The following SSPN variants were observed in gnomAD, a reference collection of about 807,000 sequenced individuals.
SSPN encodes K-ras oncogene-associated protein.
A neutral mutation model predicts 19.1 loss-of-function variants in SSPN; 15 were observed. The observed-to-expected ratio is 0.78, with a 90% CI of 0.52 to 1.21. SSPN has a LOEUF of 1.21. SSPN is among the 50% of genes most tolerant of loss of function. The pLI is 0.00. For missense variants in SSPN, 291 were observed against 314.0 expected (o/e 0.93, Z 0.55); for synonymous variants, 147 against 140.3 (o/e 1.05, Z -0.34).
At chr12:26,184,811 A>G (rs1477141075) in intron 1 of SSPN, among the ~76,000 whole-genome samples, 1 of 152,146 alleles carries the variant, frequency 6.6e-6, no homozygotes, top group Non-Finnish European at 1.5e-5. Context: ...TTCAAAACTA[A>G]GGGGTTTTTT....
At chr12:26,201,578 A>G (rs1179442789) in intron 1 of SSPN, among the ~76,000 whole-genome samples, 1 of 151,638 alleles carries the variant, frequency 6.6e-6, no homozygotes, top group Non-Finnish European at 1.5e-5. Flanking sequence ...TTATATAATG[A>G]GGAAATTGTC....
At chr12:26,137,825 C>T (rs1485338190) in intron 1 of SSPN, among the ~76,000 whole-genome samples, 2 of 150,836 alleles carry the variant, frequency 1.3e-5, no homozygotes, top group Admixed American at 6.6e-5. Flanking sequence ...ACCACCACGC[C>T]CGGCTAATTT....
intron 1 of SSPN, among the ~76,000 whole-genome samples, chr12:26,140,086 G>C (rs919950419): frequency 5.3e-5 from 8 of 152,072 alleles, no homozygotes; most frequent in Admixed American, 2.6e-4. Context: ...TCTACTGCAA[G>C]CTCCAGTCTC....
upstream of SSPN, chr12:26,195,470 A>C (rs1485499703): frequency 3.2e-5 from 30 of 928,460 alleles, 1 homozygote; most frequent in African/African-American, 4.1e-4. Context: ...GCGCGTTGGC[A>C]GTTGGCGACC....
At chr12:26,204,763 C>T (rs1944916636) in intron 1 of SSPN, among the ~76,000 whole-genome samples, 1 of 152,216 alleles carries the variant, frequency 6.6e-6, no homozygotes, top group South Asian at 2.1e-4. Context: ...CTGAGCTGGG[C>T]TCTGCTTTTC....
At chr12:26,224,832 G>A (rs1017942838) in intron 2 of SSPN, among the ~76,000 whole-genome samples, 1 of 152,092 alleles carries the variant, frequency 6.6e-6, no homozygotes, top group Non-Finnish European at 1.5e-5. Context: ...AAGACTCTCA[G>A]GGCAAAGTGG....
chr12:26,122,504 G>C, intron 1 of SSPN: 1 of 1,313,226 alleles, frequency 7.6e-7, no homozygotes, highest in East Asian at 3.5e-5. Flanking sequence ...CGGGCTGCGG[G>C]AAGGGCGCGC....
rs1160803242 is a variant in SSPN, at chr12:26,166,868, T to A, written c.-31+44716T>A. On this transcript the variant is annotated intron_variant, in intron 1 of 2. Transcript: ENST00000538142. ...GAATCTATCCAAAGCAAGTGGCTCATGAACTGTGGAATAAGCAATATGGCG... is the reference window on the plus strand; with the variant it reads ...GAATCTATCCAAAGCAAGTGGCTCAAGAACTGTGGAATAAGCAATATGGCG... 2.0e-5 allele frequency among the ~76,000 whole-genome samples: 3 copies of A among 152,226 alleles called. No homozygotes were observed. In the East Asian group the frequency reaches 5.8e-4, roughly 29 times the overall value.
chr12:26,192,420 G>A (rs1307518063), upstream of SSPN, among the ~76,000 whole-genome samples: 3 of 152,136 alleles, frequency 2.0e-5, no homozygotes, highest in South Asian at 4.1e-4. Flanking sequence ...TGAGCTAGAC[G>A]TGATGATTTT....
chr12:26,225,745 T>TAAAAAAAAAAAAAAAAAAAAAAAAA, intron 2 of SSPN, among the ~76,000 whole-genome samples: 1 of 121,892 alleles, frequency 8.2e-6, no homozygotes, highest in African/African-American at 3.2e-5. Context: ...GCTTGGTGAT[T>TAAAAAAAAAAAAAAAAAAAAAAAAA]AAAAAAAAAA....
intron 1 of SSPN, among the ~76,000 whole-genome samples, chr12:26,127,898 C>A (rs557811195): frequency 4.4e-4 from 67 of 152,328 alleles, no homozygotes; most frequent in Non-Finnish European, 9.0e-4. Context: ...AAGGGTGTAA[C>A]AATAGCTAAC....
intron 1 of SSPN, chr12:26,124,132 G>A (rs747381978): frequency 6.2e-7 from 1 of 1,612,944 alleles, no homozygotes; most frequent in South Asian, 1.1e-5. Flanking sequence ...CATTAATTCG[G>A]TCTCTTCTTT....
rs1945224125 is a variant in SSPN, at chr12:26,230,908, T to C, written c.564T>C (p.Thr188=). The part of the protein sequence containing the change: ...YRDVTDCTSV[T]GTFKLFLLIQ... ...ATGTGACGGACTGTACCAGCGTCAC[T>C]GGCACTTTCAAACTGTTCTTACTCA... Residue 188 remains threonine (T), a synonymous_variant, in exon 3 of 3, where the codon ACT becomes ACC. Coordinates refer to ENST00000242729, the MANE Select transcript of SSPN (RefSeq NM_005086.5). The C allele has an allele frequency of 6.2e-7, 1 of 1,614,210 alleles. No individual in the cohort carries two copies. Among genetic ancestry groups the C allele is most frequent in the Non-Finnish European group, 8.5e-7 (1 of 1,180,036 alleles).
chr12:26,195,583 T>C lies in SSPN; in HGVS notation c.-90T>C, dbSNP rs1944818867. 4 of 1,327,428 alleles carry C rather than the reference T, an allele frequency of 3.0e-6. No individual in the cohort carries two copies. The highest frequency in any genetic ancestry group is 3.8e-6 in the Non-Finnish European group (4 of 1,045,008). The allele number at this position is 1,327,428 out of a possible 1,614,324, so 82.2% of individuals were successfully genotyped here. On this transcript the variant is annotated 5_prime_UTR_variant, in exon 1 of 3. Coordinates refer to ENST00000242729, the MANE Select transcript of SSPN (RefSeq NM_005086.5). ...ATTTGTTCAGCCTCCATAATTCGAATACCAGGGCAGGCCGAGCCAGCCGTG... is the reference window on the plus strand; with the variant it reads ...ATTTGTTCAGCCTCCATAATTCGAACACCAGGGCAGGCCGAGCCAGCCGTG...
At chr12:26,144,312 T>C (rs12310594) in intron 1 of SSPN, among the ~76,000 whole-genome samples, 1,753 of 152,250 alleles carry the variant, frequency 0.012, 31 homozygotes, top group African/African-American at 0.039. Context: ...AGCATAAAAA[T>C]CAAATGCTGG....
At chr12:26,166,380 G>T (rs2137428974) in intron 1 of SSPN, among the ~76,000 whole-genome samples, 1 of 152,318 alleles carries the variant, frequency 6.6e-6, no homozygotes, top group East Asian at 1.9e-4. Context: ...CTATATAAAT[G>T]CCTGAACTCG....
chr12:26,135,208 C>T (rs1054413250), intron 1 of SSPN, among the ~76,000 whole-genome samples: 8 of 152,038 alleles, frequency 5.3e-5, no homozygotes, highest in African/African-American at 1.9e-4. Context: ...TAGGGAGGGG[C>T]GCAGAGTTTG....
intron 1 of SSPN, among the ~76,000 whole-genome samples, chr12:26,187,493 T>C (rs1038801096): frequency 2.0e-5 from 3 of 152,218 alleles, no homozygotes; most frequent in Admixed American, 6.5e-5. Flanking sequence ...TTGAAATCAG[T>C]TGGGGAAATC....
At chr12:26,182,523 G>A (rs1944724803) in intron 1 of SSPN, among the ~76,000 whole-genome samples, 1 of 151,696 alleles carries the variant, frequency 6.6e-6, no homozygotes, top group Non-Finnish European at 1.5e-5. Flanking sequence ...GAAGGACCAG[G>A]CTCATTTCAG....
Sources: gnomAD v4.1 joint callset for allele counts (sites outside exome capture counted in the v4.1 genomes callset) on GRCh38, gnomAD v4.1.1 for gene constraint, MANE v1.5 for transcripts, NCBI Gene and HGNC (gene_info 2026-07-23, HGNC 2026-07-21) for gene names.